Variants in DSE observed in about 807,000 individuals in gnomAD.
The protein encoded by DSE is dermatan-sulfate epimerase.
Under a neutral mutation model 84.4 loss-of-function variants are expected in DSE, and 36 were observed. The ratio of observed to expected loss-of-function variants is 0.43; its 90% CI spans 0.33 to 0.56. The LOEUF is 0.56. Among genes scored for constraint, DSE ranks in the 20% least tolerant of loss-of-function variants. The pLI is 0.06. For synonymous variants in DSE, 410 were observed against 430.1 expected (o/e 0.95, Z 0.58); for missense variants, 862 against 1,169.6 (o/e 0.74, Z 3.84).
intron 2 of DSE, among the ~76,000 whole-genome samples, chr6:116,421,040 A>G (rs1462074784): frequency 3.3e-5 from 5 of 152,234 alleles, no homozygotes; most frequent in Non-Finnish European, 7.3e-5. Context: ...AAAAATAGTT[A>G]TGGCTCATTC....
At chr6:116,328,083 C>T (rs9488904) in intron 2 of DSE, among the ~76,000 whole-genome samples, 3,562 of 152,226 alleles carry the variant, frequency 0.023, 145 homozygotes, top group African/African-American at 0.081. Context: ...AGCCCATCAA[C>T]AGAACCAAAC....
intron 2 of DSE, among the ~76,000 whole-genome samples, chr6:116,300,191 A>G (rs967220405): frequency 2.6e-5 from 4 of 152,182 alleles, no homozygotes; most frequent in Admixed American, 2.6e-4. Flanking sequence ...AGTTTGCCAT[A>G]GTACTTTAGA....
intron 1 of DSE, among the ~76,000 whole-genome samples, chr6:116,375,054 A>G (rs1779837110): frequency 6.6e-6 from 1 of 152,224 alleles, no homozygotes; most frequent in South Asian, 2.1e-4. Context: ...TTTGGGTGAC[A>G]CAGCAAAATT....
At chr6:116,389,816 T>C (rs1780781888) in intron 1 of DSE, among the ~76,000 whole-genome samples, 1 of 152,166 alleles carries the variant, frequency 6.6e-6, no homozygotes, top group African/African-American at 2.4e-5. Flanking sequence ...TCTTTTACTC[T>C]TTAGAGAAAG....
intron 1 of DSE, among the ~76,000 whole-genome samples, chr6:116,372,662 C>G (rs984218716): frequency 1.3e-5 from 2 of 152,112 alleles, no homozygotes; most frequent in Non-Finnish European, 2.9e-5. Flanking sequence ...TTGACGGTCA[C>G]GATACAGATA....
At chr6:116,334,518 C>T (rs1171950228) in intron 2 of DSE, among the ~76,000 whole-genome samples, 1 of 152,104 alleles carries the variant, frequency 6.6e-6, no homozygotes, top group African/African-American at 2.4e-5. Flanking sequence ...TAATAGTTTC[C>T]TTGCTAGATC....
In DSE at chr6:116,370,996, G is replaced by C. The variant is rs1779513326; in HGVS notation, c.-179G>C. The C allele has an allele frequency of 1.0e-6, 1 of 985,462 alleles. No homozygotes were observed. The highest frequency in any genetic ancestry group is 1.2e-6 in the Non-Finnish European group (1 of 830,130). The allele number at this position is 985,462 out of a possible 1,614,324, so 61.0% of individuals were successfully genotyped here. ...AGCGCATCCCGGGGCATGGCGCGGC[G>C]GGGGCGCGGAGGGCTCGGTTCGGAG... On this transcript the variant is annotated 5_prime_UTR_variant, in exon 1 of 6. Transcript: ENST00000644252.
At chr6:116,288,679 A>G (rs1774087583) in intron 2 of DSE, among the ~76,000 whole-genome samples, 1 of 152,124 alleles carries the variant, frequency 6.6e-6, no homozygotes, top group African/African-American at 2.4e-5. Context: ...TCAGTTCATC[A>G]GTCACACTAA....
intron 2 of DSE, among the ~76,000 whole-genome samples, chr6:116,310,000 A>G (rs1050210534): frequency 6.6e-6 from 1 of 152,246 alleles, no homozygotes; most frequent in Admixed American, 6.5e-5. Flanking sequence ...CATAAGGAAC[A>G]TTCAAAATTT....
chr6:116,257,790 G>A (rs756775875), intron 1 of DSE, among the ~76,000 whole-genome samples: 1 of 152,046 alleles, frequency 6.6e-6, no homozygotes, highest in African/African-American at 2.4e-5. Flanking sequence ...CTTTTATAGG[G>A]CACCGATTGC....
At chr6:116,256,123 A>C (rs1772133961) in intron 1 of DSE, 1 of 152,260 alleles carries the variant, frequency 6.6e-6, no homozygotes, top group Non-Finnish European at 1.5e-5. Context: ...ATTAATTGGC[A>C]GATTGCCTCC....
intron 1 of DSE, among the ~76,000 whole-genome samples, chr6:116,372,578 GAAAAT>G (rs999869136): frequency 3.3e-5 from 5 of 152,160 alleles, no homozygotes; most frequent in Non-Finnish European, 5.9e-5. Flanking sequence ...GTGCATGGAA[GAAAAT>G]AAAATATAGG....
chr6:116,289,065 T>G (rs1292576758), intron 2 of DSE, among the ~76,000 whole-genome samples: 1 of 151,982 alleles, frequency 6.6e-6, no homozygotes, highest in Non-Finnish European at 1.5e-5. Context: ...TTAAAATAAG[T>G]TACAAAAATC....
chr6:116,425,290 A>G lies in DSE; in HGVS notation c.417-1284A>G, dbSNP rs186487699. Among the ~76,000 whole-genome samples, 79 of 152,366 alleles carry G rather than the reference A, an allele frequency of 5.2e-4. 1 individual carries two copies. Among genetic ancestry groups the G allele is most frequent in the African/African-American group, 1.9e-3 (77 of 41,596 alleles). On this transcript the variant is annotated intron_variant, in intron 2 of 5. Coordinates refer to ENST00000644252, the MANE Select transcript of DSE (RefSeq NM_013352.4). ...TTAAAACATTTTGAGAAAGAGGTCA[A>G]GGCTTCACTAGATTGCCAAAAGAGG... is the stretch of plus-strand genomic sequence containing the variant.
At chr6:116,313,764 C>T (rs1266563746) in intron 2 of DSE, among the ~76,000 whole-genome samples, 3 of 152,134 alleles carry the variant, frequency 2.0e-5, no homozygotes, top group Admixed American at 6.5e-5. Flanking sequence ...TTGGGTGAAT[C>T]GGTTCATATA....
chr6:116,346,654 G>A (rs1777992961), intron 2 of DSE, among the ~76,000 whole-genome samples: 1 of 152,154 alleles, frequency 6.6e-6, no homozygotes, highest in Admixed American at 6.5e-5. Flanking sequence ...CAAACCCACA[G>A]CCAATATCAT....
At chr6:116,269,683 A>G (rs577382171) in intron 2 of DSE, among the ~76,000 whole-genome samples, 1 of 152,288 alleles carries the variant, frequency 6.6e-6, no homozygotes, top group Admixed American at 6.5e-5. Flanking sequence ...CTCTAACTAA[A>G]GTGCTTTACC....
At chr6:116,343,751 G>T (rs151305510) in intron 2 of DSE, among the ~76,000 whole-genome samples, 1 of 152,188 alleles carries the variant, frequency 6.6e-6, no homozygotes, top group African/African-American at 2.4e-5. Context: ...GCAGTTCCTC[G>T]CCAGCAACAG....
intron 2 of DSE, among the ~76,000 whole-genome samples, chr6:116,259,848 C>T (rs1582902746): frequency 1.3e-5 from 2 of 152,200 alleles, no homozygotes; most frequent in Non-Finnish European, 2.9e-5. Context: ...GCATAGTATT[C>T]TGTGGTGTAT....
Sources: gnomAD v4.1 joint callset for allele counts (sites outside exome capture counted in the v4.1 genomes callset) on GRCh38, gnomAD v4.1.1 for gene constraint, MANE v1.5 for transcripts, NCBI Gene and HGNC (gene_info 2026-07-23, HGNC 2026-07-21) for gene names.